The following ATG10 variants were observed in gnomAD, a reference collection of about 807,000 sequenced individuals.
ATG10 encodes the protein ubiquitin-like-conjugating enzyme ATG10.
ATG10 carries 30 observed loss-of-function variants against 32.1 expected under a neutral mutation model. The observed-to-expected ratio is 0.94, with a 90% confidence interval of 0.70 to 1.27. The LOEUF (loss-of-function observed/expected upper bound fraction) is 1.27. Among genes scored for constraint, ATG10 ranks in the 50% most tolerant of loss-of-function variants. ATG10 has a pLI of 0.00. For synonymous variants in ATG10, 87 were observed against 91.5 expected (o/e 0.95, Z 0.28); for missense variants, 233 against 262.3 (o/e 0.89, Z 0.77).
intron 3 of ATG10, among the ~76,000 whole-genome samples, chr5:82,077,688 A>C (rs189111232): frequency 6.6e-6 from 1 of 152,344 alleles, no homozygotes; most frequent in African/African-American, 2.4e-5. Flanking sequence ...GCGGTAGTGC[A>C]GACGTCTTTG....
chr5:82,001,630 A>AT (rs1424561028), intron 2 of ATG10, among the ~76,000 whole-genome samples: 1 of 152,200 alleles, frequency 6.6e-6, no homozygotes, highest in African/African-American at 2.4e-5. Flanking sequence ...CTTACACCAT[A>AT]TAAAAAATCG....
At chr5:82,149,083 G>C (rs776652936) in intron 3 of ATG10, among the ~76,000 whole-genome samples, 1 of 151,826 alleles carries the variant, frequency 6.6e-6, no homozygotes, top group East Asian at 1.9e-4. Flanking sequence ...CTCTAGTTCT[G>C]CCTCTTACTA....
intron 2 of ATG10, among the ~76,000 whole-genome samples, chr5:82,007,666 CT>C (rs1213181986): frequency 1.3e-5 from 2 of 152,074 alleles, no homozygotes; most frequent in African/African-American, 4.8e-5. Flanking sequence ...ATTGCCCATG[CT>C]GGTATCAAAC....
intron 5 of ATG10, among the ~76,000 whole-genome samples, chr5:82,213,093 A>G (rs1451544145): frequency 6.6e-6 from 1 of 152,146 alleles, no homozygotes; most frequent in Admixed American, 6.5e-5. Flanking sequence ...CTGTCTTCCC[A>G]GCTTCTCAGG....
intron 2 of ATG10, among the ~76,000 whole-genome samples, chr5:82,039,359 GA>G (rs1435934499): frequency 2.0e-5 from 3 of 152,092 alleles, no homozygotes; most frequent in African/African-American, 7.2e-5. Flanking sequence ...ATATTGATAA[GA>G]TTTTTTTTCT....
In ATG10 at chr5:82,040,846, A is replaced by G. The variant is rs185922014; in HGVS notation, c.109-17649A>G. Among the ~76,000 whole-genome samples the G allele has an allele frequency of 4.8e-3, 729 of 152,350 alleles. 4 individuals are homozygous for G. Among genetic ancestry groups the G allele is most frequent in the African/African-American group, 0.014 (576 of 41,588 alleles). On this transcript the variant is annotated intron_variant, in intron 2 of 7. Coordinates refer to ENST00000282185, the MANE Select transcript of ATG10 (RefSeq NM_031482.5). The stretch of plus-strand genomic sequence containing the variant: ...CTTGTCATGGCCAACAAGTCCCTAG[A>G]TGATCTGGCTCTATTGGCTTTTTTG...
At chr5:82,130,514 G>C (rs554211267) in intron 3 of ATG10, among the ~76,000 whole-genome samples, 4 of 152,256 alleles carry the variant, frequency 2.6e-5, no homozygotes, top group East Asian at 1.9e-4. Context: ...GGGTTGCCAA[G>C]ACCGTGGGAA....
intron 3 of ATG10, among the ~76,000 whole-genome samples, chr5:82,061,239 A>G (rs1763759686): frequency 6.6e-6 from 1 of 152,164 alleles, no homozygotes; most frequent in African/African-American, 2.4e-5. Context: ...CCACCTCTCT[A>G]TAGCAGAAAC....
intron 2 of ATG10, among the ~76,000 whole-genome samples, chr5:81,988,714 G>A (rs1319325382): frequency 1.3e-5 from 2 of 151,776 alleles, no homozygotes; most frequent in Non-Finnish European, 2.9e-5. Flanking sequence ...GATTACAGGC[G>A]TGAACCACCA....
chr5:81,983,235 A>AC (rs761540035), intron 1 of ATG10, among the ~76,000 whole-genome samples: 14,410 of 75,794 alleles, frequency 0.19, 1,935 homozygotes, highest in South Asian at 0.29. Context: ...CTGGGGGCTG[A>AC]CCCCCCCCCC....
intron 2 of ATG10, among the ~76,000 whole-genome samples, chr5:82,045,571 C>T (rs78552253): frequency 0.052 from 7,845 of 152,114 alleles, 254 homozygotes; most frequent in Non-Finnish European, 0.077. Flanking sequence ...TCTCCTTTTT[C>T]TGAGACATTA....
intron 1 of ATG10, among the ~76,000 whole-genome samples, chr5:81,975,483 C>A (rs1760842990): frequency 6.6e-6 from 1 of 152,102 alleles, no homozygotes; most frequent in African/African-American, 2.4e-5. Flanking sequence ...GAGTTTGAGA[C>A]CAGCCTTGGC....
intron 3 of ATG10, among the ~76,000 whole-genome samples, chr5:82,106,935 T>C (rs775304443): frequency 6.6e-6 from 1 of 152,028 alleles, no homozygotes; most frequent in South Asian, 2.1e-4. Flanking sequence ...GCATGCAGTA[T>C]AGAAAAGGTT....
At chr5:82,153,634 A>G (rs996853788) in intron 3 of ATG10, among the ~76,000 whole-genome samples, 3 of 152,216 alleles carry the variant, frequency 2.0e-5, no homozygotes, top group African/African-American at 7.2e-5. Context: ...TCAGTGCTAC[A>G]TAAAACTGGT....
chr5:82,242,627 A>T (rs1746850000), intron 5 of ATG10, among the ~76,000 whole-genome samples: 1 of 152,180 alleles, frequency 6.6e-6, no homozygotes, highest in African/African-American at 2.4e-5. Context: ...AATTAGACTG[A>T]TAGTCGACTT....
chr5:82,018,510 A>G (rs1762348024), intron 2 of ATG10, among the ~76,000 whole-genome samples: 1 of 152,182 alleles, frequency 6.6e-6, no homozygotes, highest in Non-Finnish European at 1.5e-5. Flanking sequence ...AATATTTACA[A>G]TACACCATAA....
intron 3 of ATG10, among the ~76,000 whole-genome samples, chr5:82,142,814 G>A (rs1581737568): frequency 6.6e-6 from 1 of 152,094 alleles, no homozygotes; most frequent in South Asian, 2.1e-4. Context: ...ATACTTAGGA[G>A]GTAGAATCAT....
At chr5:82,250,992 G>C (rs1747235084) in intron 5 of ATG10, among the ~76,000 whole-genome samples, 1 of 152,214 alleles carries the variant, frequency 6.6e-6, no homozygotes, top group Non-Finnish European at 1.5e-5. Flanking sequence ...GCTGTAGAGA[G>C]GAAGCTGATG....
intron 3 of ATG10, among the ~76,000 whole-genome samples, chr5:82,079,527 C>A (rs1463157093): frequency 2.0e-5 from 3 of 152,084 alleles, no homozygotes; most frequent in African/African-American, 7.2e-5. Flanking sequence ...TCCCCCACCC[C>A]ACGACAGGCC....
Sources: gnomAD v4.1 joint callset for allele counts (sites outside exome capture counted in the v4.1 genomes callset) on GRCh38, gnomAD v4.1.1 for gene constraint, MANE v1.5 for transcripts, NCBI Gene and HGNC (gene_info 2026-07-23, HGNC 2026-07-21) for gene names.